Variants in MNS1 observed in about 807,000 individuals in gnomAD.
MNS1 encodes meiosis specific nuclear structural 1, also known as meiosis-specific nuclear structural protein 1.
MNS1 carries 63 observed loss-of-function variants against 72.0 expected under a neutral mutation model. That is an observed-to-expected ratio of 0.87 (90% confidence interval 0.71 to 1.08). The LOEUF (loss-of-function observed/expected upper bound fraction) is 1.08, where lower values mean the gene tolerates loss of function less well. MNS1 is among the 50% of genes least tolerant of loss of function. MNS1 has a pLI of 0.00. For missense variants in MNS1, 604 were observed against 562.4 expected (o/e 1.07, Z -0.75); for synonymous variants, 188 against 172.1 (o/e 1.09, Z -0.72).
chr15:56,443,589 C>A, intron 6 of MNS1, 49 bp downstream of exon 6: 1 of 1,583,984 alleles, frequency 6.3e-7, no homozygotes, highest in Non-Finnish European at 8.6e-7. Flanking sequence ...AATTCTGTAA[C>A]TAATATTTCA....
intron 1 of MNS1, 129 bp downstream of exon 1, chr15:56,464,841 A>G: frequency 7.3e-7 from 1 of 1,360,720 alleles, no homozygotes; most frequent in Non-Finnish European, 1.0e-6. Context: ...AAGCCTCCGA[A>G]AGCAAATACA....
intron 3 of MNS1, among the ~76,000 whole-genome samples, chr15:56,454,846 A>C (rs1280942804): frequency 6.6e-6 from 1 of 152,126 alleles, no homozygotes; most frequent in Non-Finnish European, 1.5e-5. Context: ...AATATTTTCC[A>C]GAACCTTTTC....
chr15:56,432,060 T>G (rs2050611869), intron 8 of MNS1, among the ~76,000 whole-genome samples: 1 of 152,168 alleles, frequency 6.6e-6, no homozygotes, highest in Non-Finnish European at 1.5e-5. Context: ...ACTGTTAATT[T>G]GAGACTGTAC....
chr15:56,445,359 TAA>T (rs1439511305), intron 4 of MNS1, among the ~76,000 whole-genome samples: 3 of 152,044 alleles, frequency 2.0e-5, no homozygotes, highest in African/African-American at 7.2e-5. Context: ...TTTAATAAAA[TAA>T]GTTTTAAATG....
intron 9 of MNS1, 84 bp from the exon 10 acceptor site, chr15:56,429,277 G>C: frequency 1.2e-6 from 1 of 834,500 alleles, no homozygotes; most frequent in Non-Finnish European, 1.9e-6. Flanking sequence ...CATAAGATTA[G>C]TAAAGTTATC....
At chr15:56,460,013 C>CATATATATATATATATATAT (rs367624285) in intron 2 of MNS1, among the ~76,000 whole-genome samples, 2 of 34,624 alleles carry the variant, frequency 5.8e-5, no homozygotes, top group African/African-American at 2.3e-4. Context: ...AAAAAAAATA[C>CATATATATATATATATATAT]ATATATATAT....
At chr15:56,460,032 A>ATATATATATG (rs1567154831) in intron 2 of MNS1, among the ~76,000 whole-genome samples, 1 of 105,972 alleles carries the variant, frequency 9.4e-6, no homozygotes, top group Non-Finnish European at 2.0e-5. Context: ...ATATATATAT[A>ATATATATATG]TATGTGACTA....
chr15:56,437,021 G>C (rs1303871575), intron 7 of MNS1, among the ~76,000 whole-genome samples: 1 of 152,088 alleles, frequency 6.6e-6, no homozygotes, highest in South Asian at 2.1e-4. Flanking sequence ...TTCTACCAGA[G>C]GTACAAGGAG....
intron 9 of MNS1, among the ~76,000 whole-genome samples, chr15:56,431,046 A>G (rs2140316509): frequency 6.6e-6 from 1 of 152,316 alleles, no homozygotes; most frequent in East Asian, 1.9e-4. Context: ...CTGTAATCCC[A>G]GCTACTCAGG....
intron 3 of MNS1, chr15:56,447,204 A>C: frequency 2.3e-5 from 6 of 266,528 alleles, no homozygotes; most frequent in African/African-American, 2.2e-5. Flanking sequence ...ACACTATCTC[A>C]ACTGCTGTAA....
chr15:56,450,346 A>G (rs1051004347), intron 3 of MNS1, among the ~76,000 whole-genome samples: 1 of 152,208 alleles, frequency 6.6e-6, no homozygotes, highest in Non-Finnish European at 1.5e-5. Flanking sequence ...TTCTGCAACC[A>G]TCAACACTAT....
chr15:56,435,860 A>ACC (rs2140335369), intron 7 of MNS1, among the ~76,000 whole-genome samples: 1 of 152,180 alleles, frequency 6.6e-6, no homozygotes, highest in East Asian at 1.9e-4. Context: ...AAAATTACAG[A>ACC]CCAATATTCC....
chr15:56,455,779 G>A (rs190779908), intron 3 of MNS1, among the ~76,000 whole-genome samples: 19 of 152,210 alleles, frequency 1.2e-4, no homozygotes, highest in East Asian at 1.9e-4. Flanking sequence ...AATTTAAACT[G>A]TAATCAGAGA....
intron 4 of MNS1, 82 bp downstream of exon 4, chr15:56,446,759 A>C: frequency 2.9e-6 from 3 of 1,024,328 alleles, no homozygotes; most frequent in Non-Finnish European, 4.4e-6. Flanking sequence ...TTCTTTATAC[A>C]ATATGACAAT....
In MNS1 at chr15:56,434,254, C is replaced by T. The variant is rs1407348297; in HGVS notation, c.1153G>A (p.Glu385Lys). The T allele has an allele frequency of 5.0e-6, 8 of 1,613,782 alleles. No homozygotes were observed. The highest frequency in any genetic ancestry group is 6.8e-6 in the Non-Finnish European group (8 of 1,179,886). ...TTCATTAATTCTATTCGATCATCCTCAGCAAATTTAGCTAGCATAGTTTTT... is the reference window on the plus strand; with the variant it reads ...TTCATTAATTCTATTCGATCATCCTTAGCAAATTTAGCTAGCATAGTTTTT... ...FRKTMLAKFA[E>K]DDRIELMNAQ... The change falls in exon 8 of 10, where the codon GAG becomes AAG. Residue 385 changes from glutamate (E) to lysine (K), a missense_variant. Transcript: ENST00000260453.
At position 56,448,840 on chromosome 15, in the gene MNS1, G is replaced by A. The variant is rs1360044875; in HGVS notation, c.354-1897C>T. Among the ~76,000 whole-genome samples, 9 of 144,118 alleles carry A rather than the reference G, an allele frequency of 6.2e-5. No individual in the cohort carries two copies. In the South Asian group the frequency reaches 6.8e-4, roughly 11 times the overall value. The allele number at this position is 144,118 out of a possible 152,430, so 94.5% of individuals were successfully genotyped here. A position where few individuals can be genotyped will look rare whatever the true frequency, so the allele number is the denominator to read the frequency against. On this transcript the variant is annotated intron_variant, in intron 3 of 9. Transcript: ENST00000260453. ...GTGATCTCAGCTCACTGCAAGCTCC[G>A]CCACCCAGGTTCACGCGATTCTCCT...
rs535514414 is a variant in MNS1 at position 56,449,663 on chromosome 15, T to C, written c.354-2720A>G. ...AAGATTGGTGTTACTTTGTCCTGAA[T>C]GTTTGGTAAAATTCACCTAGCCCTG... On this transcript the variant is annotated intron_variant, in intron 3 of 9. Transcript: ENST00000260453. Among the ~76,000 whole-genome samples the C allele has an allele frequency of 2.0e-5, 3 of 152,352 alleles. No homozygotes were observed. The South Asian group carries it at 6.2e-4, about 32-fold the overall frequency.
intron 2 of MNS1, 76 bp from the exon 3 acceptor site, chr15:56,456,597 A>G: frequency 1.3e-6 from 2 of 1,486,060 alleles, no homozygotes; most frequent in Non-Finnish European, 1.8e-6. Context: ...TTGTTTTATA[A>G]CAGAAAACTA....
chr15:56,455,698 T>C (rs537701677), intron 3 of MNS1, among the ~76,000 whole-genome samples: 114 of 152,276 alleles, frequency 7.5e-4, no homozygotes, highest in African/African-American at 2.6e-3. Context: ...TAGTGTCCTG[T>C]CATCTGGAGT....
Sources: allele counts gnomAD v4.1 joint callset (sites outside exome capture counted in the v4.1 genomes callset), GRCh38; gene constraint gnomAD v4.1.1; transcripts MANE v1.5; gene names NCBI Gene and HGNC (gene_info 2026-07-23, HGNC 2026-07-21).